The following TAS2R1 variants were observed in gnomAD, a reference collection of about 807,000 sequenced individuals.
TAS2R1 encodes taste receptor type 2 member 1.
For missense variants in TAS2R1, 370 were observed against 353.4 expected, an observed-to-expected ratio of 1.05 and a Z score of -0.38; for synonymous variants, 141 against 134.2, an observed-to-expected ratio of 1.05 and a Z score of -0.35.
At chr5:9,861,037 G>GTTTTTTTTTTTTTTTTGTTT in the TAS2R1 span, among the ~76,000 whole-genome samples, 1 of 88,612 alleles carries the variant, frequency 1.1e-5, no homozygotes, top group Non-Finnish European at 2.2e-5. Context: ...GGAAGATGAG[G>GTTTTTTTTTTTTTTTTGTTT]TTTTTTTTTT....
chr5:9,846,315 G>C, the TAS2R1 span, among the ~76,000 whole-genome samples: 2 of 152,194 alleles, frequency 1.3e-5, no homozygotes, highest in Non-Finnish European at 2.9e-5. Flanking sequence ...TTCTGAGCAA[G>C]AGAAAAGTTT....
At chr5:9,723,506 G>C in the TAS2R1 span, among the ~76,000 whole-genome samples, 1 of 152,164 alleles carries the variant, frequency 6.6e-6, no homozygotes, top group Non-Finnish European at 1.5e-5. Context: ...TGACTGGCCA[G>C]TCATGGACAA....
At chr5:9,766,765 G>A in the TAS2R1 span, among the ~76,000 whole-genome samples, 17 of 152,332 alleles carry the variant, frequency 1.1e-4, no homozygotes, top group Middle Eastern at 3.4e-3. Flanking sequence ...GACTGACTCA[G>A]ACTAATGGCC....
At chr5:9,746,819 G>A in the TAS2R1 span, among the ~76,000 whole-genome samples, 1 of 151,890 alleles carries the variant, frequency 6.6e-6, no homozygotes, top group Non-Finnish European at 1.5e-5. Context: ...TAATGTATGT[G>A]GGGCTTAAAA....
At position 9,629,181 on chromosome 5, in the gene TAS2R1, C is replaced by T; in HGVS notation, c.852G>A (p.Leu284=). Residue 284 remains leucine (L), a synonymous_variant, in exon 1 of 1, where the codon TTG becomes TTA. Coordinates refer to ENST00000382492, the MANE Select transcript of TAS2R1 (RefSeq NM_019599.3). The part of the protein sequence containing the change: ...SLILILGNPK[L]KQNAKKFLLH... ...GGAGGAACTTTTTTGCATTTTGTTT[C>T]AATTTAGGATTTCCTAAAATTAAGA... The T allele has an allele frequency of 6.3e-7, 1 of 1,588,514 alleles. No individual in the cohort carries two copies. The highest frequency in any genetic ancestry group is 8.5e-7 in the Non-Finnish European group (1 of 1,170,360).
At chr5:9,680,859 C>G (rs1740980173) in intron 1 of TAS2R1, among the ~76,000 whole-genome samples, 1 of 151,950 alleles carries the variant, frequency 6.6e-6, no homozygotes, top group African/African-American at 2.4e-5. Context: ...TCAAAACCAT[C>G]CTGGCCAACA....
chr5:9,753,081 G>T, the TAS2R1 span, among the ~76,000 whole-genome samples: 3 of 152,130 alleles, frequency 2.0e-5, no homozygotes, highest in African/African-American at 7.2e-5. Context: ...GGATGGCTGG[G>T]TCAAATGGTA....
intron 1 of TAS2R1, among the ~76,000 whole-genome samples, chr5:9,712,019 G>A (rs1160764232): frequency 1.1e-5 from 1 of 87,838 alleles, no homozygotes; most frequent in Non-Finnish European, 2.1e-5. Flanking sequence ...AAGAGAGAAG[G>A]AAGGAAGGAA....
the TAS2R1 span, among the ~76,000 whole-genome samples, chr5:9,823,732 G>GAGGA: frequency 6.6e-6 from 1 of 151,810 alleles, no homozygotes; most frequent in Non-Finnish European, 1.5e-5. Flanking sequence ...TGGACGGAGG[G>GAGGA]AGGAAGGAAG....
the TAS2R1 span, among the ~76,000 whole-genome samples, chr5:9,798,260 T>G: frequency 6.6e-6 from 1 of 152,194 alleles, no homozygotes; most frequent in Non-Finnish European, 1.5e-5. Flanking sequence ...TGATCACAAA[T>G]GGACATGAGG....
chr5:9,662,254 T>C (rs1228631972), intron 1 of TAS2R1, among the ~76,000 whole-genome samples: 1 of 152,186 alleles, frequency 6.6e-6, no homozygotes, highest in East Asian at 1.9e-4. Context: ...GGGAAGAATC[T>C]GTTGCTATTT....
chr5:9,867,268 G>A, the TAS2R1 span: 3 of 152,164 alleles, frequency 2.0e-5, no homozygotes, highest in African/African-American at 7.2e-5. Context: ...CAGACACAGA[G>A]GGGATATATA....
chr5:9,646,613 G>A (rs2126485020), intron 2 of TAS2R1, among the ~76,000 whole-genome samples: 1 of 152,246 alleles, frequency 6.6e-6, no homozygotes, highest in Non-Finnish European at 1.5e-5. Context: ...ACCTCGCAAG[G>A]ATAGAACTGG....
chr5:9,795,921 A>T, the TAS2R1 span, among the ~76,000 whole-genome samples: 1 of 152,138 alleles, frequency 6.6e-6, no homozygotes, highest in Non-Finnish European at 1.5e-5. Context: ...GGGTCCAGAA[A>T]AGTGAAGCTC....
intron 1 of TAS2R1, among the ~76,000 whole-genome samples, chr5:9,679,995 T>C (rs757687120): frequency 6.6e-6 from 1 of 152,136 alleles, no homozygotes; most frequent in Non-Finnish European, 1.5e-5. Context: ...GCAGGAAATA[T>C]ACATGATAAG....
In TAS2R1 at chr5:9,680,896, T is replaced by TA. The variant is rs199558555; in HGVS notation, c.-241-21316dup. Among the ~76,000 whole-genome samples, 400 of 149,992 alleles carry TA rather than the reference T, an allele frequency of 2.7e-3. 2 individuals carry two copies. In the East Asian group the frequency reaches 0.028, roughly 11 times the overall value. Reference sequence around the variant, plus strand: ...GGAAAAACCCTGTCTCTACTAAAAATAAAAAAAAATAAAAAAATTAGCCAG... The same window carrying TA: ...GGAAAAACCCTGTCTCTACTAAAAATAAAAAAAAAATAAAAAAATTAGCCAG... On this transcript the variant is annotated intron_variant, in intron 1 of 2. Transcript: ENST00000506620.
the TAS2R1 span, among the ~76,000 whole-genome samples, chr5:9,837,573 C>T: frequency 1.3e-5 from 2 of 150,736 alleles, no homozygotes; most frequent in Admixed American, 6.6e-5. Context: ...TTTCCAGGCT[C>T]AGGACCTGCA....
chr5:9,647,741 A>C (rs899909929), intron 2 of TAS2R1, among the ~76,000 whole-genome samples: 7 of 152,182 alleles, frequency 4.6e-5, no homozygotes, highest in African/African-American at 1.7e-4. Flanking sequence ...ATAATATAGA[A>C]GATTCATTTT....
chr5:9,639,703 T>G (rs915530429), intron 2 of TAS2R1, among the ~76,000 whole-genome samples: 1 of 152,248 alleles, frequency 6.6e-6, no homozygotes, highest in Non-Finnish European at 1.5e-5. Context: ...ACATAAGCAC[T>G]TGCTGCTTTA....
Sources: allele counts gnomAD v4.1 joint callset (sites outside exome capture counted in the v4.1 genomes callset), GRCh38; gene constraint gnomAD v4.1.1; transcripts MANE v1.5; gene names NCBI Gene and HGNC (gene_info 2026-07-23, HGNC 2026-07-21).